SYT14: variants seen among roughly 807,000 people sequenced by gnomAD.
The protein encoded by SYT14 is synaptotagmin 14.
SYT14 carries 32 observed loss-of-function variants against 74.2 expected under a neutral mutation model. That is an observed-to-expected ratio of 0.43 (90% CI 0.33 to 0.58). SYT14 has a LOEUF of 0.58. Ranked by LOEUF, SYT14 falls within the 20% of genes least tolerant of loss-of-function variation. The pLI is 0.05. For synonymous variants in SYT14, 298 were observed against 337.7 expected, an observed-to-expected ratio of 0.88 and a Z score of 1.29; for missense variants, 791 against 981.8, an observed-to-expected ratio of 0.81 and a Z score of 2.60.
chr1:210,041,521 A>G (rs1242276102), intron 5 of SYT14, among the ~76,000 whole-genome samples: 1 of 152,204 alleles, frequency 6.6e-6, no homozygotes, highest in Non-Finnish European at 1.5e-5. Flanking sequence ...TATGCAGTAC[A>G]TTAATGCTTA....
rs574275516 is a variant in SYT14 at position 210,038,150 on chromosome 1, G to A, written c.1312+16896G>A. On this transcript the variant is annotated intron_variant, in intron 5 of 9. Coordinates refer to ENST00000637265, the Ensembl canonical transcript of SYT14. ...ATTGTTACATCTTGTTGAATTGACC[G>A]CTTTATCATTGTATAATGCCCTTCT... Among the ~76,000 whole-genome samples the A allele has an allele frequency of 3.4e-4, 51 of 151,846 alleles. No homozygotes were observed. The South Asian group carries it at 9.2e-3, about 27-fold the overall frequency.
intron 5 of SYT14, among the ~76,000 whole-genome samples, chr1:210,077,123 AT>A (rs2102465961): frequency 6.6e-6 from 1 of 152,052 alleles, no homozygotes; most frequent in East Asian, 2.0e-4. Context: ...TGCAGTTCCA[AT>A]AAGCATGATG....
chr1:210,149,738 T>C (rs1403074269), intron 7 of SYT14, among the ~76,000 whole-genome samples: 2 of 152,194 alleles, frequency 1.3e-5, no homozygotes, highest in East Asian at 1.9e-4. Flanking sequence ...TGTGGTAATA[T>C]CGTGATTCTG....
intron 2 of SYT14, chr1:209,966,107 T>C (rs1572079880): frequency 2.9e-6 from 1 of 350,306 alleles, no homozygotes; most frequent in East Asian, 7.5e-5. Context: ...CTTGATCTCA[T>C]GATCTGCCTG....
intron 2 of SYT14, among the ~76,000 whole-genome samples, chr1:209,974,471 C>T (rs1465587460): frequency 1.3e-5 from 2 of 152,250 alleles, no homozygotes; most frequent in Admixed American, 6.5e-5. Context: ...AATAGGGAAT[C>T]GTTTACCCAT....
At chr1:209,972,981 C>A (rs1235150470) in intron 2 of SYT14, among the ~76,000 whole-genome samples, 1 of 152,134 alleles carries the variant, frequency 6.6e-6, no homozygotes, top group African/African-American at 2.4e-5. Context: ...GTGTCTAAGT[C>A]TTTTCATAGG....
At chr1:210,027,889 CTTA>C (rs2080448887) in intron 5 of SYT14, among the ~76,000 whole-genome samples, 1 of 151,756 alleles carries the variant, frequency 6.6e-6, no homozygotes, top group Non-Finnish European at 1.5e-5. Context: ...CTTTTTATTC[CTTA>C]TTGTGATAAG....
chr1:210,163,096 G>C (rs894244288), exon 10 of SYT14: 15 of 453,162 alleles, frequency 3.3e-5, no homozygotes, highest in African/African-American at 2.4e-4. Context: ...TTTAGACTTT[G>C]AAACAACTGA....
chr1:210,031,406 G>GT (rs769957644), intron 5 of SYT14, among the ~76,000 whole-genome samples: 87 of 151,910 alleles, frequency 5.7e-4, no homozygotes, highest in Non-Finnish European at 1.2e-3. Context: ...AATGTCTTTG[G>GT]TATTAGGGTG....
chr1:210,119,257 T>C (rs1353774426), intron 7 of SYT14, among the ~76,000 whole-genome samples: 1 of 152,174 alleles, frequency 6.6e-6, no homozygotes, highest in Non-Finnish European at 1.5e-5. Flanking sequence ...TTTTCCAAAG[T>C]AGTGTCCATT....
intron 1 of SYT14, among the ~76,000 whole-genome samples, chr1:209,941,651 C>A (rs2078732369): frequency 6.6e-6 from 1 of 152,190 alleles, no homozygotes; most frequent in South Asian, 2.1e-4. Flanking sequence ...ATACACATTG[C>A]CGTAATTGCA....
chr1:210,123,381 C>T (rs2082505259), intron 7 of SYT14, among the ~76,000 whole-genome samples: 1 of 152,146 alleles, frequency 6.6e-6, no homozygotes, highest in African/African-American at 2.4e-5. Context: ...GCATAAAGTG[C>T]ACACAGAAGG....
chr1:210,097,344 C>T (rs533646038), intron 6 of SYT14, among the ~76,000 whole-genome samples: 2 of 152,080 alleles, frequency 1.3e-5, no homozygotes, highest in South Asian at 2.1e-4. Context: ...AGTTTATAAA[C>T]GCTGTTGATA....
rs542156844 is a variant in SYT14 at position 210,082,378 on chromosome 1, A to G, written c.1313-11944A>G. ...AACCGAAGAGACTACTAGGAATTCT[A>G]TCCACCGAGGTTTTCCTTTTCTATT... is the stretch of plus-strand genomic sequence containing the variant. On this transcript the variant is annotated intron_variant, in intron 5 of 9. Coordinates refer to ENST00000637265, the Ensembl canonical transcript of SYT14. 5.3e-5 allele frequency among the ~76,000 whole-genome samples: 8 copies of G among 152,318 alleles called. No homozygotes were observed. In the South Asian group the frequency reaches 6.2e-4, roughly 12 times the overall value.
chr1:210,098,219 C>A (rs1416779047), intron 6 of SYT14, among the ~76,000 whole-genome samples: 1 of 151,600 alleles, frequency 6.6e-6, no homozygotes, highest in Non-Finnish European at 1.5e-5. Flanking sequence ...TTGGTTCTCT[C>A]TGCAGAAAGA....
intron 2 of SYT14, among the ~76,000 whole-genome samples, chr1:210,013,152 CCT>C (rs1403724399): frequency 2.6e-5 from 4 of 151,222 alleles, no homozygotes; most frequent in African/African-American, 7.3e-5. Flanking sequence ...CTCACTGCAG[CCT>C]CTGTCTCCCA....
chr1:210,113,140 G>A (rs931744215), intron 7 of SYT14, among the ~76,000 whole-genome samples: 1 of 151,350 alleles, frequency 6.6e-6, no homozygotes, highest in Non-Finnish European at 1.5e-5. Flanking sequence ...CGGCTCTTGT[G>A]TAAGAACTCT....
At chr1:210,165,336 A>T (rs1287291646) in exon 10 of SYT14, 1 of 152,160 alleles carries the variant, frequency 6.6e-6, no homozygotes, top group Non-Finnish European at 1.5e-5. Context: ...AAGACTAGAA[A>T]AGAAGATCAG....
intron 2 of SYT14, among the ~76,000 whole-genome samples, chr1:209,963,431 T>A (rs1382051560): frequency 6.6e-6 from 1 of 152,172 alleles, no homozygotes; most frequent in Non-Finnish European, 1.5e-5. Context: ...TCTTGTTTTA[T>A]CAACCTATTT....
Sources: allele counts gnomAD v4.1 joint callset (sites outside exome capture counted in the v4.1 genomes callset), GRCh38; gene constraint gnomAD v4.1.1; transcripts MANE v1.5; gene names NCBI Gene and HGNC (gene_info 2026-07-23, HGNC 2026-07-21).